TMEM40: variants seen among roughly 807,000 people sequenced by gnomAD.
TMEM40 encodes the protein transmembrane protein 40.
TMEM40 carries 34 observed loss-of-function variants against 40.8 expected under a neutral mutation model. The observed-to-expected ratio is 0.83, with a 90% CI of 0.63 to 1.11. The LOEUF is 1.11. Ranked by LOEUF, TMEM40 falls within the 50% of genes least tolerant of loss-of-function variation. The pLI, the probability that TMEM40 is intolerant of heterozygous loss-of-function variation, is 0.00. For missense variants in TMEM40, 296 were observed against 280.2 expected (o/e 1.06, Z -0.40); for synonymous variants, 106 against 107.0 (o/e 0.99, Z 0.06).
At chr3:12,744,075 T>C in intron 3 of TMEM40, 86 bp from the exon 4 acceptor site, 1 of 1,385,952 alleles carries the variant, frequency 7.2e-7, no homozygotes, top group Non-Finnish European at 1.0e-6. Context: ...TTCTCAGAAT[T>C]TAGTTTATGA....
chr3:12,761,109 A>G (rs1289748988), upstream of TMEM40, among the ~76,000 whole-genome samples: 2 of 152,224 alleles, frequency 1.3e-5, no homozygotes, highest in African/African-American at 4.8e-5. Context: ...TATTCCATGC[A>G]GAGGGAGCCA....
chr3:12,766,568 C>T (rs2061595426), intron 1 of TMEM40, among the ~76,000 whole-genome samples: 2 of 149,330 alleles, frequency 1.3e-5, no homozygotes, highest in Admixed American at 6.7e-5. Context: ...GCACTCCAGC[C>T]TGGGCGACAC....
intron 1 of TMEM40, among the ~76,000 whole-genome samples, chr3:12,755,213 T>C (rs201962808): frequency 0.031 from 2,879 of 93,690 alleles, 158 homozygotes; most frequent in African/African-American, 0.093. Flanking sequence ...CTTTCTTTCT[T>C]TCTCTCTCTC....
intron 10 of TMEM40, 128 bp downstream of exon 10, chr3:12,736,450 A>C: frequency 8.1e-7 from 1 of 1,234,140 alleles, no homozygotes; most frequent in Non-Finnish European, 1.1e-6. Context: ...GCGCCTGGCC[A>C]GAAAATTTTT....
chr3:12,762,208 G>C (rs888993066), upstream of TMEM40, among the ~76,000 whole-genome samples: 17 of 152,200 alleles, frequency 1.1e-4, no homozygotes, highest in Non-Finnish European at 2.2e-4. Flanking sequence ...GGGCTCAAGT[G>C]ATTCTCCAGC....
In TMEM40 at chr3:12,734,764, G is replaced by A; in HGVS notation, c.*10C>T. ...TGGGGCCTGCCTCTGCTGCCCACCTGGAAGTGGCCTCAGTCAGTCTTCCTG... is the reference window on the plus strand; with the variant it reads ...TGGGGCCTGCCTCTGCTGCCCACCTAGAAGTGGCCTCAGTCAGTCTTCCTG... On this transcript the variant is annotated 3_prime_UTR_variant, in exon 12 of 12. Transcript: ENST00000314124. 1 of 1,595,416 alleles carries A rather than the reference G, an allele frequency of 6.3e-7. No individual in the cohort carries two copies. The highest frequency in any genetic ancestry group is 8.5e-7 in the Non-Finnish European group (1 of 1,171,684).
intron 1 of TMEM40, among the ~76,000 whole-genome samples, chr3:12,766,024 A>AT (rs2061592502): frequency 6.6e-6 from 1 of 151,588 alleles, no homozygotes; most frequent in Non-Finnish European, 1.5e-5. Context: ...CGCCCGGCTA[A>AT]TTTTTTGGTA....
upstream of TMEM40, among the ~76,000 whole-genome samples, chr3:12,764,092 T>C (rs180978195): frequency 2.0e-5 from 3 of 151,888 alleles, no homozygotes; most frequent in African/African-American, 7.3e-5. Context: ...TTTGTATTTT[T>C]AGTAGAGACG....
intron 10 of TMEM40, 149 bp downstream of exon 10, chr3:12,736,429 C>A: frequency 1.1e-6 from 1 of 890,236 alleles, no homozygotes; most frequent in South Asian, 1.7e-5. Flanking sequence ...GGATTACAGG[C>A]GTAAGCCACC....
intron 7 of TMEM40, 87 bp downstream of exon 7, chr3:12,738,049 C>A: frequency 6.5e-7 from 1 of 1,535,654 alleles, no homozygotes; most frequent in East Asian, 2.3e-5. Context: ...CTGGGACTAA[C>A]CCACCCTCTC....
chr3:12,760,250 G>A (rs1167025480), upstream of TMEM40, among the ~76,000 whole-genome samples: 2 of 152,052 alleles, frequency 1.3e-5, no homozygotes, highest in African/African-American at 2.4e-5. Context: ...CAGCCAGGGG[G>A]TCCTGTTCAA....
intron 2 of TMEM40, 74 bp from the exon 3 acceptor site, chr3:12,748,866 A>G (rs2106615480): frequency 7.3e-7 from 1 of 1,371,676 alleles, no homozygotes; most frequent in Non-Finnish European, 1.0e-6. Context: ...AGTCCTCTCC[A>G]GGGTTCTACT....
chr3:12,754,899 G>A (rs969858276), intron 1 of TMEM40, among the ~76,000 whole-genome samples: 1 of 152,182 alleles, frequency 6.6e-6, no homozygotes, highest in Admixed American at 6.5e-5. Context: ...GAAGTCACCA[G>A]AGAAGTTGCC....
At chr3:12,758,822 G>A (rs1454728049) in intron 1 of TMEM40, among the ~76,000 whole-genome samples, 1 of 152,198 alleles carries the variant, frequency 6.6e-6, no homozygotes, top group Non-Finnish European at 1.5e-5. Context: ...AACAGTGAGG[G>A]TGTGAGGTGC....
At chr3:12,759,321 G>A (rs2061553600), upstream of TMEM40, 1 of 152,488 alleles carries the variant, frequency 6.6e-6, no homozygotes, top group Admixed American at 6.5e-5. Context: ...CCGTGACGTT[G>A]TCCCTGGGCC....
At chr3:12,755,233 C>CTCTCTCTTTCTTTCTTTCTT (rs1553634013) in intron 1 of TMEM40, among the ~76,000 whole-genome samples, 49 of 59,932 alleles carry the variant, frequency 8.2e-4, no homozygotes, top group Non-Finnish European at 1.0e-3. Context: ...CTCTCTCTCT[C>CTCTCTCTTTCTTTCTTTCTT]TCTTTCTTTC....
chr3:12,735,226 G>A lies in TMEM40; in HGVS notation c.682+329C>T, dbSNP rs148300293. Among the ~76,000 whole-genome samples, 405 of 152,348 alleles carry A rather than the reference G, an allele frequency of 2.7e-3. 1 individual carries two copies. The highest frequency in any genetic ancestry group is 9.1e-3 in the African/African-American group (377 of 41,580). On this transcript the variant is annotated intron_variant, in intron 11 of 11. Transcript: ENST00000314124. ...CAAGTACAGCCATGGAGAAGACAGC[G>A]TTTGGGGAAGTGTAAAGTTCTATAA...
chr3:12,754,643 TG>T (rs1405856241), intron 1 of TMEM40, among the ~76,000 whole-genome samples: 1 of 152,224 alleles, frequency 6.6e-6, no homozygotes, highest in African/African-American at 2.4e-5. Flanking sequence ...TCCTCCATCC[TG>T]GGTTTACTCC....
chr3:12,751,533 C>G (rs1370321215), intron 1 of TMEM40, among the ~76,000 whole-genome samples: 1 of 152,084 alleles, frequency 6.6e-6, no homozygotes, highest in Non-Finnish European at 1.5e-5. Flanking sequence ...CCGCCTTGAC[C>G]TCCCAAAGTG....
Sources: allele counts gnomAD v4.1 joint callset (sites outside exome capture counted in the v4.1 genomes callset), GRCh38; gene constraint gnomAD v4.1.1; transcripts MANE v1.5; gene names NCBI Gene and HGNC (gene_info 2026-07-23, HGNC 2026-07-21).